ATP11A: variants seen among roughly 807,000 people sequenced by gnomAD.
ATP11A encodes the protein ATPase phospholipid transporting 11A, also known as phospholipid-transporting ATPase IH.
A neutral mutation model predicts 154.4 loss-of-function variants in ATP11A; 81 were observed. That is an observed-to-expected ratio of 0.52 (90% CI 0.44 to 0.63). ATP11A has a LOEUF of 0.63. Ranked by LOEUF, ATP11A falls within the 30% of genes least tolerant of loss-of-function variation. ATP11A has a pLI of 0.00. For synonymous variants in ATP11A, 623 were observed against 585.9 expected, an observed-to-expected ratio of 1.06 and a Z score of -0.91; for missense variants, 1,316 against 1,474.3, an observed-to-expected ratio of 0.89 and a Z score of 1.76.
chr13:112,845,650 T>TTCTAACCAGTCCAGTTGCCAGGC (rs2079572431), intron 17 of ATP11A, among the ~76,000 whole-genome samples: 1 of 121,308 alleles, frequency 8.2e-6, no homozygotes, highest in African/African-American at 4.0e-5. Flanking sequence ...GCACTAGCGG[T>TTCTAACCAGTCCAGTTGCCAGGC]ACTATTCAGT....
At chr13:112,873,941 A>AAT (rs2080631542) in intron 27 of ATP11A, among the ~76,000 whole-genome samples, 1 of 152,180 alleles carries the variant, frequency 6.6e-6, no homozygotes, top group African/African-American at 2.4e-5. Flanking sequence ...GGAGGAACAG[A>AAT]CCAGGATTCC....
chr13:112,865,154 AGGCCCGC>A (rs2080282825), intron 25 of ATP11A, among the ~76,000 whole-genome samples: 3 of 59,500 alleles, frequency 5.0e-5, no homozygotes, highest in African/African-American at 1.3e-4. Flanking sequence ...AATTCAGTGC[AGGCCCGC>A]GCAGCTTCCC....
rs1264564432 is a variant in ATP11A at position 112,785,738 on chromosome 13, G to A, written c.162+481G>A. Among the ~76,000 whole-genome samples, 3 of 152,168 alleles carry A rather than the reference G, an allele frequency of 2.0e-5. No individual in the cohort carries two copies. Among genetic ancestry groups the A allele is most frequent in the Non-Finnish European group, 2.9e-5 (2 of 68,036 alleles). On this transcript the variant is annotated intron_variant, in intron 2 of 29. Transcript: ENST00000375645. This position sits in a 1 kb window ranked among gnomAD's most constrained non-coding sequence, Gnocchi z 4.8. ...TCACGAGGTGCAGCCCAGGTAAAGC[G>A]TAGGAAGCACAAGCAGAGTGCCGCG...
Position 112,859,118 on chromosome 13 carries a change from C to A in ATP11A, c.2668-275C>A. On this transcript the variant is annotated intron_variant, in intron 22 of 29. Coordinates refer to ENST00000375645, the MANE Select transcript of ATP11A (RefSeq NM_015205.3). The surrounding 1 kb of genome is among the most constrained non-coding windows in gnomAD (Gnocchi z 4.3). ...ATTCACTGTGCAGTTCGATTCTTTC[C>A]CGTTTATACTGATACCTGCATTGCC... 1 of 430,916 alleles carries A rather than the reference C, an allele frequency of 2.3e-6. No homozygotes were observed. Among genetic ancestry groups the A allele is most frequent in the East Asian group, 4.6e-5 (1 of 21,876 alleles). The allele number at this position is 430,916 out of a possible 1,614,324, so 26.7% of individuals were successfully genotyped here. A position where few individuals can be genotyped will look rare whatever the true frequency, so the allele number is the denominator to read the frequency against.
In ATP11A at chr13:112,825,675, G is replaced by C. The variant is rs2078915172; in HGVS notation, c.1023+95G>C. The stretch of plus-strand genomic sequence containing the variant: ...AGAAAAAGATGACGGTGAATTTACT[G>C]TAGGCAAAAAGCAGCTTGATTGATT... On this transcript the variant is annotated intron_variant, in intron 11 of 29. Coordinates refer to ENST00000375645, the MANE Select transcript of ATP11A (RefSeq NM_015205.3). The C allele has an allele frequency of 2.8e-6, 4 of 1,423,560 alleles. No individual in the cohort carries two copies. The Admixed American group carries it at 7.4e-5, about 26-fold the overall frequency. The allele number at this position is 1,423,560 out of a possible 1,614,324, so 88.2% of individuals were successfully genotyped here. A position where few individuals can be genotyped will look rare whatever the true frequency, so the allele number is the denominator to read the frequency against.
chr13:112,864,258 G>A (rs1243022679), intron 25 of ATP11A, among the ~76,000 whole-genome samples: 4 of 101,654 alleles, frequency 3.9e-5, no homozygotes, highest in African/African-American at 7.4e-5. Context: ...TCCCAGCGGG[G>A]TCCATCACCA....
intron 17 of ATP11A, among the ~76,000 whole-genome samples, chr13:112,845,761 TGCCGGCACTAGCGGTACTA>T (rs1288531452): frequency 9.0e-6 from 1 of 111,500 alleles, no homozygotes; most frequent in African/African-American, 4.7e-5. Context: ...CCAGTCCAGT[TGCCGGCACTAGCGGTACTA>T]ACCAGTCCAG....
At chr13:112,836,747 G>C (rs188664324) in intron 16 of ATP11A, among the ~76,000 whole-genome samples, 2 of 152,366 alleles carry the variant, frequency 1.3e-5, no homozygotes, top group Admixed American at 6.5e-5. Flanking sequence ...CAGCACACTC[G>C]GTTCGTGCTC....
At chr13:112,828,856 C>T (rs1415507839) in intron 12 of ATP11A, among the ~76,000 whole-genome samples, 6 of 152,200 alleles carry the variant, frequency 3.9e-5, no homozygotes, top group Admixed American at 2.0e-4. Context: ...GGGTAAACGC[C>T]TGTGCCCACT....
chr13:112,737,129 A>G (rs752727615), intron 1 of ATP11A, among the ~76,000 whole-genome samples: 6 of 152,252 alleles, frequency 3.9e-5, no homozygotes, highest in Admixed American at 6.5e-5. Flanking sequence ...TGACAGCCTA[A>G]ACAAGGAAAA....
chr13:112,854,719 A>G (rs976605414), intron 19 of ATP11A, among the ~76,000 whole-genome samples, 189 bp downstream of exon 19: 1 of 152,204 alleles, frequency 6.6e-6, no homozygotes, highest in African/African-American at 2.4e-5. Flanking sequence ...TTTTCCAGCA[A>G]TTGTGATGTG....
intron 22 of ATP11A, chr13:112,858,719 A>G (rs954817420): frequency 1.2e-5 from 2 of 164,164 alleles, no homozygotes; most frequent in African/African-American, 4.8e-5. Flanking sequence ...AGATCACAAG[A>G]AGAAGGGTGA....
intron 10 of ATP11A, 35 bp downstream of exon 10, chr13:112,824,460 A>G (rs1474644401): frequency 6.3e-7 from 1 of 1,589,900 alleles, no homozygotes; most frequent in East Asian, 2.2e-5. Flanking sequence ...CTGCAACTTA[A>G]AAGTGTCATT....
At chr13:112,829,867 A>C (rs1373567726) in intron 12 of ATP11A, among the ~76,000 whole-genome samples, 1 of 152,228 alleles carries the variant, frequency 6.6e-6, no homozygotes, top group Admixed American at 6.5e-5. Context: ...TCAACACCCA[A>C]AATCAGTAGT....
At position 112,864,914 on chromosome 13, in the gene ATP11A, A is replaced by G. The variant is rs1464715728; in HGVS notation, c.2991+2339A>G. The stretch of plus-strand genomic sequence containing the variant: ...GCGCAGCTTCCCAGCGGGGTCCATC[A>G]CCACCTGCGCAGTAATTCAGTGCGG... On this transcript the variant is annotated intron_variant, in intron 25 of 29. Coordinates refer to ENST00000375645, the MANE Select transcript of ATP11A (RefSeq NM_015205.3). 1.4e-4 allele frequency among the ~76,000 whole-genome samples: 8 copies of G among 56,794 alleles called. 1 individual carries two copies. The highest frequency in any genetic ancestry group is 2.0e-4 in the Non-Finnish European group (5 of 25,416). 37.3% of individuals were successfully genotyped at this position (56,794 alleles called of 152,430 possible).
chr13:112,832,677 T>A (rs1352807142), intron 13 of ATP11A, among the ~76,000 whole-genome samples, 183 bp from the exon 14 acceptor site: 1 of 152,148 alleles, frequency 6.6e-6, no homozygotes, highest in East Asian at 1.9e-4. Context: ...CAAAACAGAG[T>A]GCTTGAGAAC....
intron 1 of ATP11A, among the ~76,000 whole-genome samples, chr13:112,740,126 T>TTCTCTCTCTC (rs71208910): frequency 1.4e-5 from 2 of 142,376 alleles, no homozygotes; most frequent in African/African-American, 5.2e-5. Context: ...AGCATGTGAA[T>TTCTCTCTCTC]TCTCTCTCTC....
chr13:112,764,202 C>T (rs930571484), intron 1 of ATP11A, among the ~76,000 whole-genome samples: 5 of 152,184 alleles, frequency 3.3e-5, no homozygotes, highest in South Asian at 2.1e-4. Flanking sequence ...CGTCCTGGCA[C>T]GGTGGTGCCT....
intron 1 of ATP11A, among the ~76,000 whole-genome samples, chr13:112,732,448 C>G (rs1245880829): frequency 6.6e-6 from 1 of 152,076 alleles, no homozygotes; most frequent in Non-Finnish European, 1.5e-5. Flanking sequence ...CTCCATCTCT[C>G]TCTCTCCAGC....
Sources: allele counts gnomAD v4.1 joint callset (sites outside exome capture counted in the v4.1 genomes callset), GRCh38; gene constraint gnomAD v4.1.1; non-coding constraint Gnocchi (gnomAD v3.1); transcripts MANE v1.5; gene names NCBI Gene and HGNC (gene_info 2026-07-23, HGNC 2026-07-21).